The following CALN1 variants were observed in gnomAD, a reference collection of about 807,000 sequenced individuals.
CALN1 encodes the protein calcium-binding protein 8.
Under a neutral mutation model 30.6 loss-of-function variants are expected in CALN1, and 17 were observed. That is an observed-to-expected ratio of 0.56 (90% CI 0.38 to 0.83). CALN1 has a LOEUF of 0.83. Ranked by LOEUF, CALN1 falls within the 40% of genes least tolerant of loss-of-function variation. CALN1 has a pLI of 0.00. For missense variants in CALN1, 291 were observed against 354.9 expected (o/e 0.82, Z 1.45); for synonymous variants, 156 against 131.4 (o/e 1.19, Z -1.28).
At chr7:72,092,838 T>A (rs1201058419) in intron 4 of CALN1, among the ~76,000 whole-genome samples, 1 of 152,028 alleles carries the variant, frequency 6.6e-6, no homozygotes, top group Non-Finnish European at 1.5e-5. Flanking sequence ...ACTGTGTGAT[T>A]CCCCGGGTCT....
intron 5 of CALN1, among the ~76,000 whole-genome samples, chr7:71,938,549 C>G (rs547815916): frequency 2.6e-4 from 39 of 152,156 alleles, no homozygotes; most frequent in African/African-American, 8.9e-4. Context: ...GTAATCCCAG[C>G]ATTTTGGGAG....
intron 3 of CALN1, among the ~76,000 whole-genome samples, chr7:72,246,045 C>T (rs1040701356): frequency 2.6e-5 from 4 of 152,156 alleles, no homozygotes; most frequent in African/African-American, 9.7e-5. Context: ...CTATGGGATT[C>T]CCTCTCTCTT....
At position 71,933,840 on chromosome 7, in the gene CALN1, A is replaced by C. The variant is rs1156839504; in HGVS notation, c.501+89817T>G. Among the ~76,000 whole-genome samples, 5 of 152,224 alleles carry C rather than the reference A, an allele frequency of 3.3e-5. No homozygotes were observed. In the South Asian group the frequency reaches 1.0e-3, roughly 32 times the overall value. Reference sequence around the variant, plus strand: ...CTGTGCTAGGTTCGGAGCAGTATTGATAATTATTGGCCTTAGCAGGGTCAA... The same window carrying C: ...CTGTGCTAGGTTCGGAGCAGTATTGCTAATTATTGGCCTTAGCAGGGTCAA... On this transcript the variant is annotated intron_variant, in intron 5 of 6. Coordinates refer to ENST00000395275, the MANE Select transcript of CALN1 (RefSeq NM_031468.4).
At chr7:72,048,226 A>G (rs1802606561) in intron 4 of CALN1, among the ~76,000 whole-genome samples, 1 of 151,784 alleles carries the variant, frequency 6.6e-6, no homozygotes, top group African/African-American at 2.4e-5. Flanking sequence ...TTTAGTAGAG[A>G]CCAGGTTTCA....
intron 2 of CALN1, among the ~76,000 whole-genome samples, chr7:72,347,301 G>A (rs58891553): frequency 0.2 from 29,721 of 150,356 alleles, 3,901 homozygotes; most frequent in East Asian, 0.4. Flanking sequence ...AGGCTGGAGT[G>A]CAATGCCGTG....
intron 1 of CALN1, among the ~76,000 whole-genome samples, chr7:72,408,270 TAAA>T (rs34402288): frequency 0.012 from 1,544 of 129,414 alleles, 33 homozygotes; most frequent in African/African-American, 0.04. Flanking sequence ...CCATCTCTAT[TAAA>T]AAAAAAAAAA....
chr7:72,049,924 C>T (rs1357688140), intron 4 of CALN1, among the ~76,000 whole-genome samples: 5 of 151,590 alleles, frequency 3.3e-5, no homozygotes, highest in African/African-American at 1.2e-4. Context: ...ATTCTCCTGC[C>T]TCAGGCTCGT....
intron 2 of CALN1, among the ~76,000 whole-genome samples, chr7:72,384,583 A>G (rs763824449): frequency 6.6e-6 from 1 of 152,076 alleles, no homozygotes; most frequent in Non-Finnish European, 1.5e-5. Flanking sequence ...GCAGTATGCT[A>G]TGTTGCATGT....
intron 2 of CALN1, among the ~76,000 whole-genome samples, chr7:72,297,970 G>T (rs989243843): frequency 6.6e-6 from 1 of 152,112 alleles, no homozygotes; most frequent in African/African-American, 2.4e-5. Context: ...CCAGATTTTT[G>T]AACTTTACAG....
intron 5 of CALN1, among the ~76,000 whole-genome samples, chr7:71,984,589 C>A (rs983831239): frequency 2.0e-5 from 3 of 152,114 alleles, no homozygotes; most frequent in Non-Finnish European, 2.9e-5. Flanking sequence ...GGTGCTTATT[C>A]TCTCCCTCTT....
At chr7:72,323,862 A>G (rs1801077558) in intron 2 of CALN1, among the ~76,000 whole-genome samples, 3 of 151,770 alleles carry the variant, frequency 2.0e-5, no homozygotes, top group Non-Finnish European at 1.5e-5. Context: ...TGGGAAACAT[A>G]GCGAAACCCC....
chr7:72,381,293 C>G (rs1174341931), intron 2 of CALN1, among the ~76,000 whole-genome samples: 5 of 152,088 alleles, frequency 3.3e-5, no homozygotes, highest in African/African-American at 1.2e-4. Context: ...CCTCAAGGAT[C>G]GAGAACCAGA....
Position 72,337,422 on chromosome 7 carries a change from GCACACA to G in CALN1, c.120-58618_120-58613del, listed in dbSNP as rs5884886. Among the ~76,000 whole-genome samples the G allele has an allele frequency of 2.8e-3, 416 of 150,808 alleles. 2 individuals carry two copies. The highest frequency in any genetic ancestry group is 7.6e-3 in the African/African-American group (313 of 41,164). ...GGCGCGCGCGCACTCACACTCGCGC[GCACACA>G]CACACACACACACGCATGCACATGC... On this transcript the variant is annotated intron_variant, in intron 2 of 6. Transcript: ENST00000395275.
At chr7:72,016,424 ATTTAT>A (rs893437259) in intron 5 of CALN1, among the ~76,000 whole-genome samples, 7 of 151,480 alleles carry the variant, frequency 4.6e-5, no homozygotes, top group Non-Finnish European at 8.8e-5. Context: ...CAAGAATTTT[ATTTAT>A]TTTATTATTA....
chr7:72,053,150 A>G (rs1247750196), intron 4 of CALN1, among the ~76,000 whole-genome samples: 8 of 152,204 alleles, frequency 5.3e-5, no homozygotes, highest in African/African-American at 1.9e-4. Context: ...GAATCGCTTG[A>G]GCCCAGGAGG....
intron 2 of CALN1, among the ~76,000 whole-genome samples, chr7:72,286,131 G>A (rs4719222): frequency 0.23 from 35,453 of 152,198 alleles, 5,211 homozygotes; most frequent in Non-Finnish European, 0.34. Flanking sequence ...AACAGAGTCA[G>A]ATAGTACAGG....
chr7:71,788,806 C>T (rs972564938), intron 6 of CALN1, among the ~76,000 whole-genome samples: 4 of 151,854 alleles, frequency 2.6e-5, no homozygotes, highest in Admixed American at 6.6e-5. Flanking sequence ...TATAGGCGCC[C>T]GCCACCATGC....
intron 5 of CALN1, among the ~76,000 whole-genome samples, chr7:72,000,362 C>T (rs182333642): frequency 3.4e-4 from 52 of 151,804 alleles, no homozygotes; most frequent in African/African-American, 1.3e-3. Flanking sequence ...ATATATCCTG[C>T]AACCATTAAG....
chr7:72,336,690 G>C lies in CALN1; in HGVS notation c.120-57880C>G, dbSNP rs570768986. 4,278 of 985,298 alleles carry C rather than the reference G, an allele frequency of 4.3e-3. 10 individuals carry two copies. The highest frequency in any genetic ancestry group is 4.9e-3 in the Non-Finnish European group (4,067 of 829,988). The allele number at this position is 985,298 out of a possible 1,614,324, so 61.0% of individuals were successfully genotyped here. On this transcript the variant is annotated intron_variant, in intron 2 of 6. Coordinates refer to ENST00000395275, the MANE Select transcript of CALN1 (RefSeq NM_031468.4). ...CGCGCGCGGGTAAGCTAGGGAGCCG[G>C]CGGCGGCACTCACCTCTTGCTGGGC... is the stretch of plus-strand genomic sequence containing the variant.
Sources: gnomAD v4.1 joint callset for allele counts (sites outside exome capture counted in the v4.1 genomes callset) on GRCh38, gnomAD v4.1.1 for gene constraint, MANE v1.5 for transcripts, NCBI Gene and HGNC (gene_info 2026-07-23, HGNC 2026-07-21) for gene names.